PIK3C2G: variants seen among roughly 807,000 people sequenced by gnomAD.
PIK3C2G encodes the protein phosphatidylinositol 3-kinase C2 domain-containing subunit gamma.
Under a neutral mutation model 181.1 loss-of-function variants are expected in PIK3C2G, and 168 were observed. The ratio of observed to expected loss-of-function variants is 0.93; its 90% CI spans 0.82 to 1.05. The LOEUF is 1.05. Ranked by LOEUF, PIK3C2G falls within the 50% of genes least tolerant of loss-of-function variation. The pLI is 0.00. For synonymous variants in PIK3C2G, 573 were observed against 592.2 expected (o/e 0.97, Z 0.47); for missense variants, 1,869 against 1,732.8 (o/e 1.08, Z -1.40).
intron 19 of PIK3C2G, among the ~76,000 whole-genome samples, chr12:18,489,314 C>A (rs777777128): frequency 1.3e-5 from 2 of 152,008 alleles, no homozygotes; most frequent in Non-Finnish European, 2.9e-5. Flanking sequence ...TAATTAACTA[C>A]CTACTATAGA....
At chr12:18,368,907 C>A (rs1044215219) in intron 12 of PIK3C2G, among the ~76,000 whole-genome samples, 2 of 152,100 alleles carry the variant, frequency 1.3e-5, no homozygotes, top group Non-Finnish European at 2.9e-5. Context: ...TGATTTGAAA[C>A]CCTGGGTAAA....
chr12:18,505,377 T>A lies in PIK3C2G; in HGVS notation c.3239T>A (p.Ile1080Asn). The A allele has an allele frequency of 6.2e-7, 1 of 1,613,420 alleles. No individual in the cohort carries two copies. Among genetic ancestry groups the A allele is most frequent in the Non-Finnish European group, 8.5e-7 (1 of 1,179,592 alleles). ...LGVCDRHNDNIMLTKSGHMFH... is the reference protein window; with the variant it reads ...LGVCDRHNDNNMLTKSGHMFH... ...GTATGTGACCGTCACAATGATAATA[T>A]CATGCTGACAAAGTCGGGCCACATG... Residue 1080 changes from isoleucine to asparagine, a missense_variant, in exon 24 of 33, where the codon ATC becomes AAC. By Grantham distance (149) the Ile-to-Asn change is moderately radical. Transcript: ENST00000538779.
chr12:18,722,201 T>G, the PIK3C2G span, among the ~76,000 whole-genome samples: 1 of 28,488 alleles, frequency 3.5e-5, no homozygotes, highest in Non-Finnish European at 7.8e-5. Flanking sequence ...CCCAGGTCAT[T>G]TACTCTCCAT....
Position 18,600,028 on chromosome 12 carries a change from A to C in PIK3C2G, c.4087+5459A>C, listed in dbSNP as rs1451980656. On this transcript the variant is annotated intron_variant, in intron 30 of 32. Transcript: ENST00000538779. ...TATTTCACATCTTGATTTATGAAAG[A>C]CCAAATGGAAAAACCTAAGTAGATT... is the stretch of plus-strand genomic sequence containing the variant. Among the ~76,000 whole-genome samples, 5 of 152,012 alleles carry C rather than the reference A, an allele frequency of 3.3e-5. 1 individual carries two copies. The highest frequency in any genetic ancestry group is 9.7e-5 in the African/African-American group (4 of 41,438).
At chr12:18,461,923 T>A (rs1947939835) in intron 18 of PIK3C2G, among the ~76,000 whole-genome samples, 1 of 152,206 alleles carries the variant, frequency 6.6e-6, no homozygotes, top group African/African-American at 2.4e-5. Context: ...CCACATTCCT[T>A]GGCTCATGTC....
intron 18 of PIK3C2G, among the ~76,000 whole-genome samples, chr12:18,425,891 C>A (rs7308613): frequency 6.6e-6 from 1 of 151,946 alleles, no homozygotes; most frequent in African/African-American, 2.4e-5. Context: ...TAGGCCAATC[C>A]ATGTAGTGAT....
In PIK3C2G at chr12:18,290,906, C is replaced by T; in HGVS notation, c.813C>T (p.Ile271=). The T allele has an allele frequency of 6.3e-7, 1 of 1,599,744 alleles. No homozygotes were observed. Among genetic ancestry groups the T allele is most frequent in the Non-Finnish European group, 8.6e-7 (1 of 1,167,232 alleles). ...AADVNFNSGK[I]WSTTTAFPYQ... ...ATGTTAATTTCAATTCTGGGAAGAT[C>T]TGGAGCACTACTACAGCATTTCCGT... The change falls in exon 4 of 33, where the codon ATC becomes ATT. Residue 271 remains isoleucine (I), a synonymous_variant. Transcript: ENST00000538779.
the PIK3C2G span, chr12:18,685,686 A>G: frequency 1.9e-6 from 1 of 513,748 alleles, no homozygotes; most frequent in Non-Finnish European, 3.9e-6. Context: ...TTCATGGGGT[A>G]CAGAGGCAGG....
the PIK3C2G span, among the ~76,000 whole-genome samples, chr12:18,715,247 T>C: frequency 3.3e-5 from 4 of 122,056 alleles, no homozygotes; most frequent in Middle Eastern, 5.8e-3. Flanking sequence ...TTGGGAATAA[T>C]AGAGATAAAA....
chr12:18,279,507 A>G (rs1212499735), intron 1 of PIK3C2G, among the ~76,000 whole-genome samples: 1 of 152,006 alleles, frequency 6.6e-6, no homozygotes, highest in Non-Finnish European at 1.5e-5. Flanking sequence ...TGAAAGCATC[A>G]AAAATTGTAA....
intron 24 of PIK3C2G, among the ~76,000 whole-genome samples, chr12:18,506,394 A>G (rs1005964586): frequency 4.6e-5 from 7 of 152,188 alleles, no homozygotes; most frequent in African/African-American, 1.7e-4. Flanking sequence ...GGTTTTCAAA[A>G]GCTTTCTTTG....
chr12:18,311,386 T>C (rs906494442), intron 5 of PIK3C2G, among the ~76,000 whole-genome samples: 2 of 152,114 alleles, frequency 1.3e-5, no homozygotes, highest in African/African-American at 4.8e-5. Context: ...TATGTAGTTA[T>C]ATGAAAGGTG....
At chr12:18,705,220 C>A in the PIK3C2G span, 1 of 1,614,022 alleles carries the variant, frequency 6.2e-7, no homozygotes, top group Non-Finnish European at 8.5e-7. Flanking sequence ...AAAGCAAGGA[C>A]TCTCCAAAAG....
At chr12:18,347,639 G>A (rs936860875) in intron 11 of PIK3C2G, among the ~76,000 whole-genome samples, 2 of 151,860 alleles carry the variant, frequency 1.3e-5, no homozygotes, top group Non-Finnish European at 2.9e-5. Context: ...GTGAAACCCC[G>A]TCTCTACTAA....
At chr12:18,551,663 T>A (rs979675313) in intron 26 of PIK3C2G, among the ~76,000 whole-genome samples, 3 of 152,034 alleles carry the variant, frequency 2.0e-5, no homozygotes. Flanking sequence ...CAAGACAAAT[T>A]GTTTGCAATC....
chr12:18,501,902 G>A (rs959522951), intron 22 of PIK3C2G, among the ~76,000 whole-genome samples: 6 of 152,128 alleles, frequency 3.9e-5, no homozygotes, highest in Non-Finnish European at 1.5e-5. Context: ...AGGTAAGATG[G>A]CATTGAAACA....
At chr12:18,510,975 A>G (rs1006218654) in intron 24 of PIK3C2G, among the ~76,000 whole-genome samples, 1 of 152,132 alleles carries the variant, frequency 6.6e-6, no homozygotes, top group African/African-American at 2.4e-5. Flanking sequence ...TCTTTGATCA[A>G]TAGCTCCCAT....
chr12:18,586,378 A>G (rs778067733), intron 29 of PIK3C2G, among the ~76,000 whole-genome samples: 30 of 152,272 alleles, frequency 2.0e-4, no homozygotes, highest in East Asian at 5.8e-4. Flanking sequence ...ACAATTAGAA[A>G]TGACAAAGGG....
At chr12:18,286,768 C>A in intron 2 of PIK3C2G, 79 bp from the exon 3 acceptor site, 1 of 826,272 alleles carries the variant, frequency 1.2e-6, no homozygotes, top group Non-Finnish European at 1.9e-6. Flanking sequence ...AATGAAACTT[C>A]AAAACAGGAT....
Sources: allele counts gnomAD v4.1 joint callset (sites outside exome capture counted in the v4.1 genomes callset), GRCh38; gene constraint gnomAD v4.1.1; transcripts MANE v1.5; gene names NCBI Gene and HGNC (gene_info 2026-07-23, HGNC 2026-07-21).